ACTR3C: variants seen among roughly 807,000 people sequenced by gnomAD.
ACTR3C encodes actin-related protein 3C.
Under a neutral mutation model 26.3 loss-of-function variants are expected in ACTR3C, and 18 were observed. That is an observed-to-expected ratio of 0.68 (90% CI 0.47 to 1.01). The LOEUF is 1.01. Ranked by LOEUF, ACTR3C falls within the 50% of genes least tolerant of loss-of-function variation. The probability of loss-of-function intolerance (pLI) is 0.00; values close to 1 mark genes in which losing one functional copy is unlikely to be tolerated. For missense variants in ACTR3C, 184 were observed against 250.7 expected (o/e 0.73, Z 1.80); for synonymous variants, 55 against 94.5 (o/e 0.58, Z 2.42).
chr7:150,080,541 G>A, the ACTR3C span, among the ~76,000 whole-genome samples: 10 of 151,894 alleles, frequency 6.6e-5, no homozygotes, highest in East Asian at 5.8e-4. Flanking sequence ...GTGTGTGTGT[G>A]TGTGTGTGTG....
the ACTR3C span, among the ~76,000 whole-genome samples, chr7:149,949,168 A>G: frequency 2.1e-5 from 3 of 145,870 alleles, no homozygotes; most frequent in Non-Finnish European, 4.4e-5. Flanking sequence ...ATATATATAT[A>G]TAGGTATGTG....
the ACTR3C span, among the ~76,000 whole-genome samples, chr7:150,039,602 C>T: frequency 1.2e-3 from 177 of 141,692 alleles, no homozygotes; most frequent in African/African-American, 4.3e-3. Context: ...TACCTGCCGT[C>T]GGAAGATTTG....
the ACTR3C span, among the ~76,000 whole-genome samples, chr7:150,197,059 C>T: frequency 6.6e-6 from 1 of 152,084 alleles, no homozygotes; most frequent in Admixed American, 6.6e-5. Context: ...TTGTCTTTCC[C>T]ACGGCAGATT....
chr7:150,199,654 A>T, the ACTR3C span, among the ~76,000 whole-genome samples: 1 of 111,312 alleles, frequency 9.0e-6, no homozygotes, highest in Admixed American at 9.2e-5. Context: ...AAAAATAAAT[A>T]AAAAAAAATA....
At chr7:149,934,674 T>C in the ACTR3C span, among the ~76,000 whole-genome samples, 27 of 149,420 alleles carry the variant, frequency 1.8e-4, no homozygotes, top group African/African-American at 6.4e-4. Context: ...GACCAAGGCC[T>C]CCCTCCACTC....
chr7:150,183,976 A>T, the ACTR3C span, among the ~76,000 whole-genome samples: 1 of 150,578 alleles, frequency 6.6e-6, no homozygotes. Context: ...TGCCCAAGGA[A>T]GAGGTGTCTT....
At chr7:150,048,523 C>G in the ACTR3C span, among the ~76,000 whole-genome samples, 1 of 152,144 alleles carries the variant, frequency 6.6e-6, no homozygotes, top group African/African-American at 2.4e-5. Flanking sequence ...GGTTCTGCGG[C>G]CCCGCCGAAG....
the ACTR3C span, among the ~76,000 whole-genome samples, chr7:150,056,383 T>C: frequency 2.6e-5 from 4 of 152,212 alleles, no homozygotes; most frequent in African/African-American, 9.6e-5. Context: ...GGTAATTTAA[T>C]TCACTGTGGA....
the ACTR3C span, among the ~76,000 whole-genome samples, chr7:150,039,261 C>A: frequency 6.6e-6 from 1 of 150,910 alleles, no homozygotes; most frequent in Non-Finnish European, 1.5e-5. Context: ...CTCTCAATCT[C>A]TGCCTCGGGG....
the ACTR3C span, among the ~76,000 whole-genome samples, chr7:150,031,689 T>C: frequency 6.6e-6 from 1 of 152,096 alleles, no homozygotes; most frequent in Non-Finnish European, 1.5e-5. Context: ...TTTGCCATTA[T>C]ACCTTGATGG....
At chr7:149,945,629 G>C in the ACTR3C span, among the ~76,000 whole-genome samples, 11,011 of 152,146 alleles carry the variant, frequency 0.072, 1,355 homozygotes, top group African/African-American at 0.25. Context: ...AGGTGACCTG[G>C]ATGGATGGGG....
chr7:149,969,969 A>T, the ACTR3C span, among the ~76,000 whole-genome samples: 1 of 152,130 alleles, frequency 6.6e-6, no homozygotes, highest in Non-Finnish European at 1.5e-5. Context: ...AGCAAAAGAG[A>T]CTTTGAAAAA....
chr7:150,041,914 G>GGGC, the ACTR3C span, among the ~76,000 whole-genome samples: 50 of 149,868 alleles, frequency 3.3e-4, no homozygotes, highest in Non-Finnish European at 5.6e-4. Context: ...CAGAGCCAGG[G>GGGC]GGGGAAGAGG....
chr7:149,967,152 A>C, the ACTR3C span, among the ~76,000 whole-genome samples: 1 of 145,000 alleles, frequency 6.9e-6, no homozygotes, highest in Admixed American at 7.4e-5. Flanking sequence ...CTCCTGCCTC[A>C]GCCTCCCTAG....
chr7:150,035,632 T>C, the ACTR3C span, among the ~76,000 whole-genome samples: 1 of 132,136 alleles, frequency 7.6e-6, no homozygotes, highest in Non-Finnish European at 1.7e-5. Flanking sequence ...GATTTGAACT[T>C]TCTACTTGGA....
the ACTR3C span, among the ~76,000 whole-genome samples, chr7:150,208,315 C>T: frequency 6.6e-6 from 1 of 152,134 alleles, no homozygotes; most frequent in Non-Finnish European, 1.5e-5. Flanking sequence ...CTTTGGAGAT[C>T]TGCTGAGGGC....
the ACTR3C span, among the ~76,000 whole-genome samples, chr7:150,033,574 G>A: frequency 8.5e-5 from 13 of 152,178 alleles, no homozygotes; most frequent in East Asian, 1.6e-3. Flanking sequence ...AGAGGGGCTG[G>A]CTCTCAGTCC....
chr7:150,098,671 T>C, the ACTR3C span, among the ~76,000 whole-genome samples: 1 of 151,738 alleles, frequency 6.6e-6, no homozygotes, highest in Non-Finnish European at 1.5e-5. Flanking sequence ...ACAGTTCAAA[T>C]ACGTAAATGG....
At chr7:150,041,841 A>G in the ACTR3C span, among the ~76,000 whole-genome samples, 1 of 136,518 alleles carries the variant, frequency 7.3e-6, no homozygotes, top group African/African-American at 2.8e-5. Context: ...GGGGTGGAAG[A>G]GGGGATAGCT....
Sources: gnomAD v4.1 joint callset for allele counts (sites outside exome capture counted in the v4.1 genomes callset) on GRCh38, gnomAD v4.1.1 for gene constraint, MANE v1.5 for transcripts, NCBI Gene and HGNC (gene_info 2026-07-23, HGNC 2026-07-21) for gene names.